The following PCDH11Y variants were observed in gnomAD, a reference collection of about 807,000 sequenced individuals.
The protein encoded by PCDH11Y is protocadherin-11 Y-linked.
For missense variants in PCDH11Y, 12 were observed against 224.8 expected (o/e 0.05, Z 6.05); for synonymous variants, 9 against 83.6 (o/e 0.11, Z 4.87).
At chrY:5,385,094 A>G (rs1602916607) in intron 2 of PCDH11Y, among the ~76,000 whole-genome samples, 3 of 9,446 alleles carry the variant, frequency 3.2e-4, no homozygotes, top group Non-Finnish European at 7.3e-4. Context: ...TTGTTTGTTT[A>G]TTTTGGTCTG....
chrY:5,487,627 C>T, intron 2 of PCDH11Y, among the ~76,000 whole-genome samples: 1 of 33,632 alleles, frequency 3.0e-5, no homozygotes, highest in Non-Finnish European at 7.4e-5. Flanking sequence ...ATTCTTCCTA[C>T]CATCAAGATA....
chrY:5,664,406 A>C, intron 4 of PCDH11Y, among the ~76,000 whole-genome samples: 1 of 32,392 alleles, frequency 3.1e-5, no homozygotes. Context: ...TTGGCATAAA[A>C]ACTAGGGAGG....
intron 2 of PCDH11Y, among the ~76,000 whole-genome samples, chrY:5,467,782 C>T (rs577345887): frequency 3.0e-5 from 1 of 33,584 alleles, no homozygotes; most frequent in South Asian, 6.4e-4. Flanking sequence ...GAAACATTAA[C>T]CACATTAAAA....
intron 3 of PCDH11Y, among the ~76,000 whole-genome samples, chrY:5,536,115 A>T: frequency 6.4e-5 from 2 of 31,349 alleles, no homozygotes; most frequent in African/African-American, 1.3e-4. Flanking sequence ...TCTAGTAGAG[A>T]CGGGATTTCA....
At chrY:5,169,198 T>C in intron 2 of PCDH11Y, among the ~76,000 whole-genome samples, 1 of 27,867 alleles carries the variant, frequency 3.6e-5, no homozygotes, top group Non-Finnish European at 8.6e-5. Flanking sequence ...CATCTTATAA[T>C]AAATATTATA....
chrY:5,442,915 A>T, intron 2 of PCDH11Y, among the ~76,000 whole-genome samples: 1 of 32,220 alleles, frequency 3.1e-5, no homozygotes, highest in Non-Finnish European at 7.7e-5. Context: ...TGAATTTATT[A>T]CTAAAATAAA....
chrY:5,644,834 CA>C (rs34505230), intron 4 of PCDH11Y, among the ~76,000 whole-genome samples: 4 of 5,046 alleles, frequency 7.9e-4, no homozygotes, highest in Admixed American at 2.2e-3. Context: ...AACTCTTTCT[CA>C]AAAAAAAAAA....
intron 2 of PCDH11Y, among the ~76,000 whole-genome samples, chrY:5,353,639 G>A (rs2124670574): frequency 3.1e-5 from 1 of 32,574 alleles, no homozygotes; most frequent in South Asian, 7.0e-4. Flanking sequence ...GTTTTCACCT[G>A]GAAATGAATA....
intron 2 of PCDH11Y, among the ~76,000 whole-genome samples, chrY:5,276,120 C>G (rs2124660115): frequency 3.0e-5 from 1 of 32,965 alleles, no homozygotes; most frequent in Non-Finnish European, 7.5e-5. Context: ...AGATTATATT[C>G]TTATTTCTAC....
intron 1 of PCDH11Y, among the ~76,000 whole-genome samples, chrY:5,097,451 T>C: frequency 3.0e-5 from 1 of 33,729 alleles, no homozygotes; most frequent in Non-Finnish European, 7.3e-5. Context: ...TGGAATAATC[T>C]TGGATAATTC....
intron 4 of PCDH11Y, among the ~76,000 whole-genome samples, chrY:5,709,168 C>T (rs2124712839): frequency 4.3e-4 from 13 of 30,385 alleles, no homozygotes; most frequent in African/African-American, 1.7e-3. Flanking sequence ...CTATGACCCT[C>T]TATGATTTCG....
At chrY:5,061,640 A>T in intron 1 of PCDH11Y, among the ~76,000 whole-genome samples, 6 of 32,946 alleles carry the variant, frequency 1.8e-4, no homozygotes, top group African/African-American at 5.9e-4. Flanking sequence ...TCAAATTTCC[A>T]TCTTCCGTGG....
At chrY:5,168,542 C>CATAT (rs61386097) in intron 2 of PCDH11Y, among the ~76,000 whole-genome samples, 1 of 1,642 alleles carries the variant, frequency 6.1e-4, no homozygotes, top group Non-Finnish European at 1.0e-3. Flanking sequence ...TCGTAGACAT[C>CATAT]ATATATATAT....
chrY:5,101,902 C>A, downstream of PCDH11Y, among the ~76,000 whole-genome samples: 1 of 33,094 alleles, frequency 3.0e-5, no homozygotes, highest in South Asian at 6.5e-4. Context: ...TTCAAGATAG[C>A]AATGCAAATA....
chrY:5,726,077 A>T, intron 4 of PCDH11Y, among the ~76,000 whole-genome samples: 2 of 33,172 alleles, frequency 6.0e-5, no homozygotes, highest in African/African-American at 1.2e-4. Context: ...AAGAAATGGG[A>T]ACATTCATGC....
intron 2 of PCDH11Y, among the ~76,000 whole-genome samples, chrY:5,418,384 G>T (rs1602922645): frequency 3.6e-5 from 1 of 28,156 alleles, no homozygotes; most frequent in African/African-American, 1.4e-4. Flanking sequence ...GTCTCCCAAG[G>T]GTCATCTAGG....
chrY:5,564,989 A>G (rs2053432835), intron 3 of PCDH11Y, among the ~76,000 whole-genome samples: 1 of 32,999 alleles, frequency 3.0e-5, no homozygotes, highest in African/African-American at 1.2e-4. Context: ...ATGTGTTTCA[A>G]TCATTCACCA....
At chrY:5,129,050 A>C in intron 2 of PCDH11Y, among the ~76,000 whole-genome samples, 1 of 33,441 alleles carries the variant, frequency 3.0e-5, no homozygotes, top group African/African-American at 1.2e-4. Context: ...CACTTGAGGA[A>C]AACAAAAAAT....
rs2124663821 is a variant in PCDH11Y at position 5,305,791 on chromosome Y, A to C, written c.3130-195266A>C. Among the ~76,000 whole-genome samples, 11 of 32,650 alleles carry C rather than the reference A, an allele frequency of 3.4e-4. No individual in the cohort carries two copies. In the South Asian group the frequency reaches 7.5e-3, roughly 22 times the overall value. 87.6% of individuals were successfully genotyped at this position (32,650 alleles called of 37,273 possible). ...CACATGATTTTGTAAAATTGCAAAA[A>C]TGATATTAGTAAAATAATAATAGTA... On this transcript the variant is annotated intron_variant, in intron 2 of 4. Transcript: ENST00000400457.
Sources: gnomAD v4.1 joint callset for allele counts (sites outside exome capture counted in the v4.1 genomes callset) on GRCh38, gnomAD v4.1.1 for gene constraint, MANE v1.5 for transcripts, NCBI Gene and HGNC (gene_info 2026-07-23, HGNC 2026-07-21) for gene names.